Variants in OSGIN1 observed in about 807,000 individuals in gnomAD.
The protein encoded by OSGIN1 is oxidative stress induced growth inhibitor 1, also known as oxidative stress-induced growth inhibitor 1.
In OSGIN1, 19 loss-of-function variants were observed where a neutral mutation model predicts 20.1. That is an observed-to-expected ratio of 0.95 (90% CI 0.66 to 1.39). The LOEUF (loss-of-function observed/expected upper bound fraction) is 1.39, where lower values mean the gene tolerates loss of function less well. Among genes scored for constraint, OSGIN1 ranks in the 40% most tolerant of loss-of-function variants. The pLI is 0.00. For missense variants in OSGIN1, 820 were observed against 653.0 expected (o/e 1.26, Z -2.79); for synonymous variants, 368 against 297.8 (o/e 1.24, Z -2.43).
chr16:83,964,311 TAAAATAA>T (rs775009773), intron 5 of OSGIN1, among the ~76,000 whole-genome samples: 12 of 81,302 alleles, frequency 1.5e-4, no homozygotes, highest in Non-Finnish European at 2.1e-4. Context: ...CTCAAAAAAT[TAAAATAA>T]AATAAAATAA....
intron 5 of OSGIN1, among the ~76,000 whole-genome samples, chr16:83,961,601 T>C (rs1054644389): frequency 2.0e-5 from 3 of 152,128 alleles, no homozygotes; most frequent in Non-Finnish European, 4.4e-5. Flanking sequence ...TACAGGGGCT[T>C]CAGAGTGCAT....
At chr16:83,960,066 T>C (rs1002283445) in intron 3 of OSGIN1, among the ~76,000 whole-genome samples, 18 of 152,100 alleles carry the variant, frequency 1.2e-4, no homozygotes, top group Non-Finnish European at 2.4e-4. Context: ...GATGAGGAAA[T>C]AGGTCTTGAC....
intron 3 of OSGIN1, 50 bp from the exon 4 acceptor site, chr16:83,960,519 G>A (rs1268614561): frequency 4.0e-6 from 6 of 1,496,750 alleles, no homozygotes; most frequent in African/African-American, 1.4e-5. Flanking sequence ...GCTCTGGGAA[G>A]ACGACCCCGC....
intron 5 of OSGIN1, among the ~76,000 whole-genome samples, chr16:83,962,613 G>T (rs74873510): frequency 0.014 from 2,195 of 152,316 alleles, 53 homozygotes; most frequent in African/African-American, 0.05. Flanking sequence ...CTGATAACAT[G>T]TACACATGGT....
chr16:83,955,377 G>A (rs1397143944), intron 1 of OSGIN1, among the ~76,000 whole-genome samples: 2 of 152,170 alleles, frequency 1.3e-5, no homozygotes, highest in Non-Finnish European at 2.9e-5. Flanking sequence ...AGAGAAGTGG[G>A]GGACCCTGGA....
chr16:83,960,857 C>T lies in OSGIN1; in HGVS notation c.396+97C>T, dbSNP rs1447792878. The T allele has an allele frequency of 9.4e-6, 14 of 1,482,962 alleles. No individual in the cohort carries two copies. In the East Asian group the frequency reaches 2.6e-4, roughly 27 times the overall value. The allele number at this position is 1,482,962 out of a possible 1,614,324, so 91.9% of individuals were successfully genotyped here. ...CTGGCATCTCCCTTTCCTCATTCTCCACCCCGCAACCCTGCCTCTCCCTCC... is the reference window on the plus strand; with the variant it reads ...CTGGCATCTCCCTTTCCTCATTCTCTACCCCGCAACCCTGCCTCTCCCTCC... On this transcript the variant is annotated intron_variant, in intron 4 of 5. Transcript: ENST00000393306.
In OSGIN1 at chr16:83,959,310, C is replaced by G. The variant is rs1418475206; in HGVS notation, c.118C>G (p.Pro40Ala). Residue 40 changes from proline to alanine, a missense_variant, in exon 3 of 6, where the codon CCC becomes GCC. Physicochemically the swap from Pro to Ala is conservative, Grantham distance 27. Transcript: ENST00000393306. ...CLSYLLSGYT[P>A]YTKPDAIHPH... The stretch of plus-strand genomic sequence containing the variant: ...GTCCTACCTGCTCTCCGGCTACACA[C>G]CCTACACGAAGCCAGATGCCATCCA... The G allele has an allele frequency of 6.2e-7, 1 of 1,613,812 alleles. No homozygotes were observed.
chr16:83,965,865 C>A lies in OSGIN1; in HGVS notation c.1292C>A (p.Pro431His). The change falls in exon 6 of 6, where the codon CCC (proline) becomes CAC (histidine). Residue 431 changes from proline (P) to histidine (H), a missense_variant. By Grantham distance (77) the Pro-to-His change is moderately conservative. Transcript: ENST00000393306. ...SAKRNPIDVD[P>H]FTYQSTRQEG... ...AAGAGGAACCCCATTGACGTGGACC[C>A]CTTCACCTACCAGAGCACCCGCCAG... 4 of 1,612,976 alleles carry A rather than the reference C, an allele frequency of 2.5e-6. No individual in the cohort carries two copies. The highest frequency in any genetic ancestry group is 3.4e-6 in the Non-Finnish European group (4 of 1,180,016).
At position 83,965,140 on chromosome 16, in the gene OSGIN1, G is replaced by C. The variant is rs554192268; in HGVS notation, c.567G>C (p.Gly189=). 6.2e-7 allele frequency: 1 copy of C among 1,613,458 alleles called. No homozygotes were observed. Among genetic ancestry groups the C allele is most frequent in the African/African-American group, 1.3e-5 (1 of 75,066 alleles). The change falls in exon 6 of 6, where the codon GGG becomes GGC. Residue 189 remains glycine (G), a synonymous_variant. Transcript: ENST00000393306. The part of the protein sequence containing the change: ...YRDYVVKKGL[G]HNFVSGAVVT... ...ACTACGTGGTCAAGAAGGGTCTGGG[G>C]CATAACTTTGTGTCCGGTGCTGTAG...
chr16:83,956,247 G>A (rs1047415463), intron 1 of OSGIN1, among the ~76,000 whole-genome samples: 1 of 152,212 alleles, frequency 6.6e-6, no homozygotes, highest in Admixed American at 6.5e-5. Flanking sequence ...GTGGACGAAG[G>A]TGTTTCTGTC....
intron 1 of OSGIN1, among the ~76,000 whole-genome samples, chr16:83,956,086 C>G (rs1433798175): frequency 6.6e-6 from 1 of 152,216 alleles, no homozygotes; most frequent in Non-Finnish European, 1.5e-5. Flanking sequence ...GCTGAGCGGG[C>G]TGGACGCTAC....
rs1421042327 is a variant in OSGIN1 at position 83,960,627 on chromosome 16, T to C, written c.263T>C (p.Leu88Pro). ...EGRSQSPVAL[L>P]FDALLRPDTD... Reference sequence around the variant, plus strand: ...CGATCCCAAAGCCCCGTGGCCCTGCTCTTTGATGCCCTTCTACGCCCAGAC... The same window carrying C: ...CGATCCCAAAGCCCCGTGGCCCTGCCCTTTGATGCCCTTCTACGCCCAGAC... The change falls in exon 4 of 6, where the codon CTC becomes CCC. Residue 88 changes from leucine (L) to proline (P), a missense_variant. Coordinates refer to ENST00000393306, the MANE Select transcript of OSGIN1 (RefSeq NM_182981.3). 6.2e-7 allele frequency: 1 copy of C among 1,613,502 alleles called. No individual in the cohort carries two copies. The highest frequency in any genetic ancestry group is 1.1e-5 in the South Asian group (1 of 91,082).
intron 5 of OSGIN1, among the ~76,000 whole-genome samples, chr16:83,962,329 C>T (rs1301903499): frequency 1.3e-5 from 2 of 152,224 alleles, no homozygotes; most frequent in South Asian, 2.1e-4. Flanking sequence ...AGCTCCGCCT[C>T]CCAGGTTCAA....
Position 83,965,740 on chromosome 16 carries a change from C to G in OSGIN1, c.1167C>G (p.Val389=). The change falls in exon 6 of 6, where the codon GTC becomes GTG. Residue 389 remains valine, a synonymous_variant. Transcript: ENST00000393306. ...AGGGTGTCGAGAAGGTGTTTGGGGT[C>G]TCCCTGGTGCTGGTCCTCATCGGCT... ...DLEGVEKVFG[V]SLVLVLIGSH... is the part of the protein sequence containing the mutation. The G allele has an allele frequency of 6.2e-7, 1 of 1,613,610 alleles. No individual in the cohort carries two copies. The highest frequency in any genetic ancestry group is 8.5e-7 in the Non-Finnish European group (1 of 1,180,006).
At chr16:83,956,967 A>C (rs879358750) in intron 1 of OSGIN1, 2 of 152,350 alleles carry the variant, frequency 1.3e-5, no homozygotes, top group Non-Finnish European at 2.9e-5. Context: ...CAGGTTCACC[A>C]GCACGTCCCC....
At chr16:83,957,614 C>T (rs765417592) in intron 1 of OSGIN1, 26 bp from the exon 2 acceptor site, 39 of 1,208,678 alleles carry the variant, frequency 3.2e-5, no homozygotes, top group Non-Finnish European at 4.5e-5. Context: ...CGAATGGACT[C>T]TTCCTTCCCC....
At chr16:83,960,227 G>C (rs1961192814) in intron 3 of OSGIN1, among the ~76,000 whole-genome samples, 1 of 152,208 alleles carries the variant, frequency 6.6e-6, no homozygotes, top group Non-Finnish European at 1.5e-5. Context: ...TGCAGGACTT[G>C]TCAGAGCCTT....
intron 1 of OSGIN1, 86 bp from the exon 2 acceptor site, chr16:83,957,548 CAGGAGG>C: frequency 1.4e-6 from 1 of 717,180 alleles, no homozygotes; most frequent in Admixed American, 2.1e-5. Context: ...CTGAGGGCCA[CAGGAGG>C]CCACCCTAGC....
In OSGIN1 at chr16:83,960,679, G is replaced by A. The variant is rs115681737; in HGVS notation, c.315G>A (p.Ser105=). 6.8e-4 allele frequency: 1,102 copies of A among 1,613,610 alleles called. 9 individuals carry two copies. In the African/African-American group the frequency reaches 0.012, roughly 18 times the overall value. ...CAGACTTTGGGGGAAACATGAAGTC[G>A]GTCCTCACCTGGAAGCACCGGAAGG... ...PDTDFGGNMK[S]VLTWKHRKEH... Residue 105 remains serine (S), a synonymous_variant, in exon 4 of 6, where the codon TCG becomes TCA. Coordinates refer to ENST00000393306, the MANE Select transcript of OSGIN1 (RefSeq NM_182981.3).
Sources: gnomAD v4.1 joint callset for allele counts (sites outside exome capture counted in the v4.1 genomes callset) on GRCh38, gnomAD v4.1.1 for gene constraint, MANE v1.5 for transcripts, NCBI Gene and HGNC (gene_info 2026-07-23, HGNC 2026-07-21) for gene names.